The following ZNF649 variants were observed in gnomAD, a reference collection of about 807,000 sequenced individuals.
ZNF649 encodes the protein zinc finger protein 649.
A neutral mutation model predicts 14.1 loss-of-function variants in ZNF649; 7 were observed. That is an observed-to-expected ratio of 0.49 (90% confidence interval 0.28 to 0.93). The LOEUF is 0.93. Among genes scored for constraint, ZNF649 ranks in the 40% least tolerant of loss-of-function variants. The pLI is 0.10. For synonymous variants in ZNF649, 227 were observed against 212.3 expected (o/e 1.07, Z -0.60); for missense variants, 544 against 608.1 (o/e 0.89, Z 1.11).
In ZNF649 at chr19:51,891,397, A is replaced by G; in HGVS notation, c.739T>C (p.Tyr247His). The G allele has an allele frequency of 6.2e-7, 1 of 1,614,000 alleles. No homozygotes were observed. Among genetic ancestry groups the G allele is most frequent in the Non-Finnish European group, 8.5e-7 (1 of 1,179,914 alleles). The change falls in exon 5 of 5, where the codon TAC (tyrosine) becomes CAC (histidine). Residue 247 changes from tyrosine (Y) to histidine (H), a missense_variant. Physicochemically the swap from Tyr to His is moderately conservative, Grantham distance 83. Coordinates refer to ENST00000354957, the MANE Select transcript of ZNF649 (RefSeq NM_023074.4). The surrounding 1 kb of genome is among the most constrained non-coding windows in gnomAD (Gnocchi z 4.2). ...SLCGKAFYKRYRLTEHERAHK... is the reference protein window; with the variant it reads ...SLCGKAFYKRHRLTEHERAHK... The stretch of plus-strand genomic sequence containing the variant: ...GCTCTCTCGTGTTCAGTGAGCCTGT[A>G]CCTCTTGTAGAAGGCTTTCCCACAC...
Position 51,890,656 on chromosome 19 carries a change from C to G in ZNF649, c.1480G>C (p.Ala494Pro). 6.2e-7 allele frequency: 1 copy of G among 1,613,882 alleles called. No individual in the cohort carries two copies. The highest frequency in any genetic ancestry group is 8.5e-7 in the Non-Finnish European group (1 of 1,179,866). ...PVNMVTVAMV[A>P]GQCEFAHILH... Reference sequence around the variant, plus strand: ...ATGTGGGCAAACTCACACTGCCCTGCCACCATTGCCACAGTTACCATATTA... The same window carrying G: ...ATGTGGGCAAACTCACACTGCCCTGGCACCATTGCCACAGTTACCATATTA... Residue 494 changes from alanine to proline, a missense_variant, in exon 5 of 5, where the codon GCA becomes CCA. Transcript: ENST00000354957.
Position 51,895,067 on chromosome 19 carries a change from TGAA to T in ZNF649, c.238+1402_238+1404del, listed in dbSNP as rs1221965713. Among the ~76,000 whole-genome samples the T allele has an allele frequency of 3.9e-5, 6 of 152,138 alleles. No homozygotes were observed. The East Asian group carries it at 7.7e-4, about 20-fold the overall frequency. ...GACCAAGATGTATTTCAATCTTACA[TGAA>T]GAAGAATGAAAACCAGGCCCTTGAC... On this transcript the variant is annotated intron_variant, in intron 4 of 4. Coordinates refer to ENST00000354957, the MANE Select transcript of ZNF649 (RefSeq NM_023074.4).
chr19:51,897,725 AT>A lies in ZNF649; in HGVS notation c.16-748del, dbSNP rs796292326. Reference sequence around the variant, plus strand: ...AAATCCCTAGAACAGGAAGACAAGCATTTGTTAGTGACATACTAGGGAATTA... The same window carrying A: ...AAATCCCTAGAACAGGAAGACAAGCATTGTTAGTGACATACTAGGGAATTA... On this transcript the variant is annotated intron_variant, in intron 2 of 4. Coordinates refer to ENST00000354957, the MANE Select transcript of ZNF649 (RefSeq NM_023074.4). 2.6e-5 allele frequency among the ~76,000 whole-genome samples: 4 copies of A among 152,330 alleles called. No homozygotes were observed. The South Asian group carries it at 6.2e-4, about 24-fold the overall frequency.
chr19:51,893,567 A>G (rs970021580), intron 4 of ZNF649, among the ~76,000 whole-genome samples: 1 of 152,200 alleles, frequency 6.6e-6, no homozygotes, highest in African/African-American at 2.4e-5. Context: ...ACAGAAAGAG[A>G]AACAGGGTGA....
Position 51,891,767 on chromosome 19 carries a change from T to C in ZNF649, c.369A>G (p.Arg123=), listed in dbSNP as rs960762503. 6.2e-7 allele frequency: 1 copy of C among 1,613,960 alleles called. No homozygotes were observed. Among genetic ancestry groups the C allele is most frequent in the Non-Finnish European group, 8.5e-7 (1 of 1,179,956 alleles). Residue 123 remains arginine (R), a synonymous_variant, in exon 5 of 5, where the codon AGA becomes AGG. Coordinates refer to ENST00000354957, the MANE Select transcript of ZNF649 (RefSeq NM_023074.4). This position sits in a 1 kb window ranked among gnomAD's most constrained non-coding sequence, Gnocchi z 4.2. ...SYLGLTNQSR[R]YNRKEPAEFN... Reference sequence around the variant, plus strand: ...ACTCAGCAGGCTCCTTTCTGTTGTATCTTCTGCTCTGGTTGGTTAAACCTA... The same window carrying C: ...ACTCAGCAGGCTCCTTTCTGTTGTACCTTCTGCTCTGGTTGGTTAAACCTA...
intron 1 of ZNF649, among the ~76,000 whole-genome samples, chr19:51,901,815 T>C (rs11880841): frequency 0.084 from 12,796 of 151,936 alleles, 709 homozygotes; most frequent in South Asian, 0.23. Context: ...TGGTGGCACA[T>C]GCCTGTATTC....
chr19:51,898,766 A>G (rs956522551), intron 2 of ZNF649, among the ~76,000 whole-genome samples: 1 of 151,400 alleles, frequency 6.6e-6, no homozygotes, highest in Non-Finnish European at 1.5e-5. Context: ...AAAAAAAATT[A>G]GCTGGGTGTG....
intron 2 of ZNF649, among the ~76,000 whole-genome samples, chr19:51,897,637 A>G (rs1405184371): frequency 1.3e-5 from 2 of 152,228 alleles, no homozygotes; most frequent in African/African-American, 4.8e-5. Context: ...ATACATGTAT[A>G]TGTATACAAC....
chr19:51,898,942 C>A (rs746393334), intron 2 of ZNF649, among the ~76,000 whole-genome samples: 7 of 151,868 alleles, frequency 4.6e-5, no homozygotes, highest in Non-Finnish European at 8.8e-5. Context: ...AAAAAGAAAT[C>A]ATCAACCATT....
intron 4 of ZNF649, among the ~76,000 whole-genome samples, chr19:51,894,210 T>A (rs987342369): frequency 6.6e-6 from 1 of 151,906 alleles, no homozygotes; most frequent in Non-Finnish European, 1.5e-5. Context: ...TTGGCTCACT[T>A]CAACCTCCGC....
chr19:51,904,800 G>A (rs141206725), intron 1 of ZNF649, 114 bp downstream of exon 1: 1,747 of 152,566 alleles, frequency 0.011, 38 homozygotes, highest in African/African-American at 0.04. Flanking sequence ...ACGCCGGACC[G>A]CAAAGGCACC....
chr19:51,892,219 CA>C, intron 4 of ZNF649, among the ~76,000 whole-genome samples: 1 of 151,640 alleles, frequency 6.6e-6, no homozygotes. Flanking sequence ...ACTAAAAATA[CA>C]AAAAAATTGG....
chr19:51,903,664 C>G (rs2085106966), intron 1 of ZNF649, among the ~76,000 whole-genome samples: 1 of 152,086 alleles, frequency 6.6e-6, no homozygotes, highest in Admixed American at 6.5e-5. Context: ...ACTAAAAATA[C>G]AAAAATTAGC....
At chr19:51,904,751 C>T (rs2085113834) in intron 1 of ZNF649, among the ~76,000 whole-genome samples, 163 bp downstream of exon 1, 1 of 152,120 alleles carries the variant, frequency 6.6e-6, no homozygotes, top group Non-Finnish European at 1.5e-5. Context: ...AGTCGCTGAA[C>T]TCGACAGACC....
At chr19:51,902,373 G>A (rs2085100020) in intron 1 of ZNF649, among the ~76,000 whole-genome samples, 1 of 152,224 alleles carries the variant, frequency 6.6e-6, no homozygotes, top group South Asian at 2.1e-4. Flanking sequence ...CAAGTTGCAA[G>A]CAGCAGGTTG....
chr19:51,894,886 C>T (rs1398617528), intron 4 of ZNF649, among the ~76,000 whole-genome samples: 1 of 151,722 alleles, frequency 6.6e-6, no homozygotes, highest in Non-Finnish European at 1.5e-5. Flanking sequence ...TCAATTCTAA[C>T]AAAACCAGAC....
chr19:51,902,962 T>C (rs1032551069), intron 1 of ZNF649, among the ~76,000 whole-genome samples: 3 of 152,178 alleles, frequency 2.0e-5, no homozygotes, highest in East Asian at 3.8e-4. Context: ...AGATCGTTCA[T>C]GGCAAAGTTA....
At chr19:51,892,639 T>C (rs1181378042) in intron 4 of ZNF649, among the ~76,000 whole-genome samples, 2 of 152,216 alleles carry the variant, frequency 1.3e-5, no homozygotes, top group African/African-American at 4.8e-5. Flanking sequence ...GACTTCATCC[T>C]AATCCTATTA....
At chr19:51,898,305 G>A (rs935043518) in intron 2 of ZNF649, among the ~76,000 whole-genome samples, 1 of 152,108 alleles carries the variant, frequency 6.6e-6, no homozygotes, top group Non-Finnish European at 1.5e-5. Context: ...CCACTCTGGG[G>A]TCCCCACGTT....
Sources: allele counts gnomAD v4.1 joint callset (sites outside exome capture counted in the v4.1 genomes callset), GRCh38; gene constraint gnomAD v4.1.1; non-coding constraint Gnocchi (gnomAD v3.1); transcripts MANE v1.5; gene names NCBI Gene and HGNC (gene_info 2026-07-23, HGNC 2026-07-21).